The following STK10 variants were observed in gnomAD, a reference collection of about 807,000 sequenced individuals.
The protein encoded by STK10 is serine/threonine-protein kinase 10.
A neutral mutation model predicts 113.8 loss-of-function variants in STK10; 78 were observed. The observed-to-expected ratio is 0.69, with a 90% CI of 0.57 to 0.83. The LOEUF is 0.83. Among genes scored for constraint, STK10 ranks in the 40% least tolerant of loss-of-function variants. The pLI, the probability that STK10 is intolerant of heterozygous loss-of-function variation, is 0.00. For synonymous variants in STK10, 465 were observed against 494.7 expected (o/e 0.94, Z 0.80); for missense variants, 1,109 against 1,280.1 (o/e 0.87, Z 2.04).
chr5:172,120,526 G>A lies in STK10; in HGVS notation c.371-2896C>T, dbSNP rs1398488918. Among the ~76,000 whole-genome samples the A allele has an allele frequency of 6.6e-6, 1 of 152,164 alleles. No homozygotes were observed. The highest frequency in any genetic ancestry group is 2.4e-5 in the African/African-American group (1 of 41,444). On this transcript the variant is annotated intron_variant, in intron 3 of 18. Transcript: ENST00000176763. The surrounding 1 kb of genome is among the most constrained non-coding windows in gnomAD (Gnocchi z 4.0). The stretch of plus-strand genomic sequence containing the variant: ...CAGGGGCCAGGATCAGAGCCTGCAT[G>A]GGCTTCAGGACCACACAGACCGAGG...
At chr5:172,107,593 T>C (rs1039002798) in intron 5 of STK10, among the ~76,000 whole-genome samples, 187 bp downstream of exon 5, 2 of 152,228 alleles carry the variant, frequency 1.3e-5, no homozygotes, top group African/African-American at 4.8e-5. Flanking sequence ...ATATCCCTAA[T>C]TTTATGGATG....
intron 12 of STK10, among the ~76,000 whole-genome samples, chr5:172,071,945 G>C (rs1768190616): frequency 6.6e-6 from 1 of 152,122 alleles, no homozygotes; most frequent in Non-Finnish European, 1.5e-5. Context: ...AACAAAACCA[G>C]ATAGACATCA....
Position 172,127,287 on chromosome 5 carries a change from C to G in STK10, c.370+86G>C, listed in dbSNP as rs1447529946. On this transcript the variant is annotated intron_variant, in intron 3 of 18. Coordinates refer to ENST00000176763, the MANE Select transcript of STK10 (RefSeq NM_005990.4). The stretch of plus-strand genomic sequence containing the variant: ...GGAATGGGAGAGTGGAGGTCCCAGT[C>G]CTAGACAGAGCTGTCCAGCAGTCAG... The G allele has an allele frequency of 3.3e-6, 5 of 1,494,278 alleles. No individual in the cohort carries two copies. The South Asian group carries it at 5.9e-5, about 18-fold the overall frequency. 92.6% of individuals were successfully genotyped at this position (1,494,278 alleles called of 1,614,324 possible).
chr5:172,124,330 C>G (rs1207309966), intron 3 of STK10, among the ~76,000 whole-genome samples: 1 of 152,216 alleles, frequency 6.6e-6, no homozygotes, highest in African/African-American at 2.4e-5. Context: ...CCTCCCACAT[C>G]CCAGACCTTT....
In STK10 at chr5:172,106,746, C is replaced by G; in HGVS notation, c.662G>C (p.Trp221Ser). 1.9e-6 allele frequency: 3 copies of G among 1,614,178 alleles called. No individual in the cohort carries two copies. The highest frequency in any genetic ancestry group is 2.5e-6 in the Non-Finnish European group (3 of 1,180,020). Residue 221 changes from tryptophan to serine, a missense_variant, in exon 6 of 19, where the codon TGG becomes TCG. Trp to Ser is a radical substitution (Grantham distance 177). Coordinates refer to ENST00000176763, the MANE Select transcript of STK10 (RefSeq NM_005990.4). The part of the protein sequence containing the change: ...DTPYDYKADI[W>S]SLGITLIEMA... The stretch of plus-strand genomic sequence containing the variant: ...CTCAATCAGCGTGATGCCCAGGGAC[C>G]AGATGTCGGCTTTGTAGTCGTAGGG...
chr5:172,068,359 A>G lies in STK10; in HGVS notation c.1990-3547T>C, dbSNP rs186236014. Among the ~76,000 whole-genome samples the G allele has an allele frequency of 4.0e-4, 60 of 151,508 alleles. 1 individual carries two copies. The East Asian group carries it at 0.01, about 26-fold the overall frequency. On this transcript the variant is annotated intron_variant, in intron 12 of 18. Coordinates refer to ENST00000176763, the MANE Select transcript of STK10 (RefSeq NM_005990.4). The stretch of plus-strand genomic sequence containing the variant: ...TGTCTCAAAAAAAAAAAGTGCTGAG[A>G]TAGGTATGTCTAGTGAAACTATCCT...
At chr5:172,090,511 C>G (rs1768676342) in intron 9 of STK10, 149 bp from the exon 10 acceptor site, 2 of 1,144,686 alleles carry the variant, frequency 1.7e-6, no homozygotes, top group Admixed American at 5.0e-5. Context: ...CTTGCCTCAA[C>G]TTAACCTAGG....
intron 2 of STK10, among the ~76,000 whole-genome samples, chr5:172,152,543 G>A (rs1770258253): frequency 2.0e-5 from 3 of 152,134 alleles, no homozygotes; most frequent in Admixed American, 1.3e-4. Context: ...TGTCTATGCC[G>A]TCCAATATGG....
intron 2 of STK10, among the ~76,000 whole-genome samples, chr5:172,150,595 G>T (rs906222999): frequency 2.6e-5 from 4 of 152,090 alleles, no homozygotes; most frequent in African/African-American, 9.7e-5. Context: ...GCTACTTCCG[G>T]GTGTCACATT....
intron 12 of STK10, among the ~76,000 whole-genome samples, chr5:172,068,154 G>C (rs777582111): frequency 6.6e-6 from 1 of 151,988 alleles, no homozygotes; most frequent in Non-Finnish European, 1.5e-5. Context: ...GCCTGGCCAA[G>C]ATGGTGAAAC....
At chr5:172,144,038 C>T (rs909228955) in intron 2 of STK10, among the ~76,000 whole-genome samples, 7 of 152,200 alleles carry the variant, frequency 4.6e-5, no homozygotes, top group African/African-American at 1.7e-4. Context: ...ATTACTGAGC[C>T]GCTAGTGCAT....
intron 1 of STK10, among the ~76,000 whole-genome samples, chr5:172,171,573 G>A (rs969023582): frequency 6.6e-6 from 1 of 152,084 alleles, no homozygotes; most frequent in African/African-American, 2.4e-5. Flanking sequence ...AATTAGCCGG[G>A]CATGGTGGCA....
intron 12 of STK10, among the ~76,000 whole-genome samples, chr5:172,067,846 G>A (rs1768102121): frequency 6.6e-6 from 1 of 152,054 alleles, no homozygotes; most frequent in Admixed American, 6.6e-5. Context: ...AAAGCTCAAT[G>A]AAACCCAAAC....
At chr5:172,147,629 T>C (rs931174240) in intron 2 of STK10, among the ~76,000 whole-genome samples, 1 of 152,210 alleles carries the variant, frequency 6.6e-6, no homozygotes, top group Non-Finnish European at 1.5e-5. Context: ...TCTGACCTCG[T>C]GATCTGCCCG....
intron 3 of STK10, among the ~76,000 whole-genome samples, chr5:172,123,361 T>C (rs558020404): frequency 6.6e-6 from 1 of 152,324 alleles, no homozygotes; most frequent in South Asian, 2.1e-4. Flanking sequence ...GAAAACTGCC[T>C]AGGGCTGGAG....
At chr5:172,185,064 G>A (rs746535395) in intron 1 of STK10, among the ~76,000 whole-genome samples, 1 of 152,112 alleles carries the variant, frequency 6.6e-6, no homozygotes, top group Admixed American at 6.6e-5. Flanking sequence ...GAAACTTTCA[G>A]AGTAGCAGGG....
chr5:172,057,589 G>C, intron 14 of STK10, 116 bp from the exon 15 acceptor site: 2 of 1,449,834 alleles, frequency 1.4e-6, no homozygotes, highest in African/African-American at 1.4e-5. Flanking sequence ...CAACCTGCTG[G>C]GCTCAGGAAT....
Position 172,082,935 on chromosome 5 carries a change from AG to A in STK10, c.1809+25del. ...AACACCTGGAGGCAAGAAGCCCTGC[AG>A]GGTCCCATCTTTTCTCGCACTCACG... is the stretch of plus-strand genomic sequence containing the variant. On this transcript the variant is annotated intron_variant, in intron 11 of 18. Transcript: ENST00000176763. This position sits in a 1 kb window ranked among gnomAD's most constrained non-coding sequence, Gnocchi z 4.3. 1 of 1,611,270 alleles carries A rather than the reference AG, an allele frequency of 6.2e-7. No homozygotes were observed. The highest frequency in any genetic ancestry group is 8.5e-7 in the Non-Finnish European group (1 of 1,179,156).
intron 3 of STK10, among the ~76,000 whole-genome samples, chr5:172,122,131 G>C (rs1055300910): frequency 6.6e-6 from 1 of 152,166 alleles, no homozygotes; most frequent in African/African-American, 2.4e-5. Context: ...CTTCCTAAGT[G>C]CTGGGATCAC....
Sources: gnomAD v4.1 joint callset for allele counts (sites outside exome capture counted in the v4.1 genomes callset) on GRCh38, gnomAD v4.1.1 for gene constraint, Gnocchi (gnomAD v3.1) non-coding constraint, MANE v1.5 for transcripts, NCBI Gene and HGNC (gene_info 2026-07-23, HGNC 2026-07-21) for gene names.